Variants in FERMT1 observed in about 807,000 individuals in gnomAD.
The protein encoded by FERMT1 is fermitin family homolog 1.
A neutral mutation model predicts 85.3 loss-of-function variants in FERMT1; 60 were observed. That is an observed-to-expected ratio of 0.70 (90% CI 0.57 to 0.87). The LOEUF (loss-of-function observed/expected upper bound fraction) is 0.87. Ranked by LOEUF, FERMT1 falls within the 40% of genes least tolerant of loss-of-function variation. The pLI is 0.00. For synonymous variants in FERMT1, 275 were observed against 301.1 expected, an observed-to-expected ratio of 0.91 and a Z score of 0.90; for missense variants, 701 against 818.9, an observed-to-expected ratio of 0.86 and a Z score of 1.76.
intron 14 of FERMT1, among the ~76,000 whole-genome samples, chr20:6,078,619 C>G (rs180858027): frequency 5.3e-5 from 8 of 151,090 alleles, no homozygotes; most frequent in Non-Finnish European, 1.0e-4. Flanking sequence ...ACCATCACAC[C>G]TGGCTAGTTC....
At chr20:6,095,288 C>A (rs1410582773) in intron 8 of FERMT1, among the ~76,000 whole-genome samples, 1 of 151,994 alleles carries the variant, frequency 6.6e-6, no homozygotes, top group Non-Finnish European at 1.5e-5. Flanking sequence ...CAATTGAATA[C>A]TAATTTGTTA....
At chr20:6,113,197 C>T (rs567619312) in intron 3 of FERMT1, among the ~76,000 whole-genome samples, 385 of 152,286 alleles carry the variant, frequency 2.5e-3, no homozygotes, top group African/African-American at 8.9e-3. Flanking sequence ...CTCTCTTTGC[C>T]TGCTGCCATC....
At chr20:6,107,111 G>T (rs746682089) in intron 6 of FERMT1, among the ~76,000 whole-genome samples, 2 of 147,646 alleles carry the variant, frequency 1.4e-5, no homozygotes, top group Non-Finnish European at 3.0e-5. Context: ...CAAAAGAATC[G>T]CTTGAACCCG....
rs1288290733 is a variant in FERMT1 at position 6,110,429 on chromosome 20, C to T, written c.615G>A (p.Trp205Ter). ...GTTCCGTCAAAGGGCTGTCACTGAA[C>T]CAAGTCATGGTGGATGATGCTGGTG... ...NGTPASSTMT[W>*]FSDSPLTEQN... The change falls in exon 5 of 15, where the codon TGG (tryptophan) becomes TGA (stop). Residue 205 changes from tryptophan to a stop codon, truncating the protein, a stop_gained. Transcript: ENST00000217289. LOFTEE classifies it high-confidence loss of function. 6 of 1,613,998 alleles carry T rather than the reference C, an allele frequency of 3.7e-6. No individual in the cohort carries two copies. Among genetic ancestry groups the T allele is most frequent in the Non-Finnish European group, 4.2e-6 (5 of 1,180,010 alleles).
intron 8 of FERMT1, 41 bp from the exon 9 acceptor site, chr20:6,095,029 T>C (rs202227887): frequency 5.4e-6 from 6 of 1,120,174 alleles, no homozygotes; most frequent in African/African-American, 1.5e-5. Context: ...AGGAACTTCA[T>C]AAGTGATGCT....
chr20:6,105,382 C>T (rs1982770527), intron 6 of FERMT1, among the ~76,000 whole-genome samples: 1 of 152,194 alleles, frequency 6.6e-6, no homozygotes, highest in Admixed American at 6.5e-5. Context: ...ACAACCTCTC[C>T]AATTGCATCG....
intron 13 of FERMT1, among the ~76,000 whole-genome samples, chr20:6,080,324 G>T (rs773635421): frequency 8.5e-5 from 13 of 152,216 alleles, no homozygotes; most frequent in Non-Finnish European, 1.8e-4. Flanking sequence ...GTGTGTGTGT[G>T]TCTTGTAGAG....
At chr20:6,110,786 A>G (rs1025752322) in intron 4 of FERMT1, among the ~76,000 whole-genome samples, 4 of 152,044 alleles carry the variant, frequency 2.6e-5, no homozygotes, top group Admixed American at 2.0e-4. Context: ...AACAAACAAA[A>G]CCCAAAAAAT....
At position 6,119,298 on chromosome 20, in the gene FERMT1, A is replaced by G. The variant is rs2123157360; in HGVS notation, c.151+106T>C. ...GATGAGGGGTGGGGGATTGCTCTCCAGGGCATTACAAGATAAATGATCAGA... is the reference window on the plus strand; with the variant it reads ...GATGAGGGGTGGGGGATTGCTCTCCGGGGCATTACAAGATAAATGATCAGA... On this transcript the variant is annotated intron_variant, in intron 2 of 14. Transcript: ENST00000217289. The G allele has an allele frequency of 1.0e-5, 12 of 1,148,864 alleles. No homozygotes were observed. The South Asian group carries it at 1.4e-4, about 13-fold the overall frequency. The allele number at this position is 1,148,864 out of a possible 1,614,324, so 71.2% of individuals were successfully genotyped here. A position where few individuals can be genotyped will look rare whatever the true frequency, so the allele number is the denominator to read the frequency against.
At chr20:6,120,465 C>T (rs1163805814) in intron 1 of FERMT1, 1 of 152,180 alleles carries the variant, frequency 6.6e-6, no homozygotes. Flanking sequence ...AGAACGTTCA[C>T]AACTGAAATG....
At chr20:6,117,654 G>A (rs369856964) in intron 2 of FERMT1, among the ~76,000 whole-genome samples, 8 of 152,244 alleles carry the variant, frequency 5.3e-5, no homozygotes, top group African/African-American at 1.7e-4. Flanking sequence ...GGCTGGTCTC[G>A]AACTCCTGAC....
At chr20:6,111,200 C>T (rs899473361) in intron 4 of FERMT1, among the ~76,000 whole-genome samples, 7 of 152,142 alleles carry the variant, frequency 4.6e-5, no homozygotes, top group African/African-American at 1.7e-4. Flanking sequence ...ATGCATGTAC[C>T]CAATATGTTT....
At chr20:6,106,277 T>C (rs980534724) in intron 6 of FERMT1, among the ~76,000 whole-genome samples, 1 of 152,034 alleles carries the variant, frequency 6.6e-6, no homozygotes, top group Non-Finnish European at 1.5e-5. Context: ...TCCTTAGAAA[T>C]GACAAGGGAC....
At chr20:6,099,830 T>TA (rs112369032) in intron 6 of FERMT1, among the ~76,000 whole-genome samples, 15,087 of 120,376 alleles carry the variant, frequency 0.13, 1,063 homozygotes, top group African/African-American at 0.2. Flanking sequence ...TCACTGTTTC[T>TA]AAAAAAAAAA....
intron 6 of FERMT1, among the ~76,000 whole-genome samples, 171 bp from the exon 7 acceptor site, chr20:6,097,802 AG>A (rs975369192): frequency 9.2e-5 from 14 of 151,358 alleles, no homozygotes; most frequent in Non-Finnish European, 2.1e-4. Flanking sequence ...TTTTTTTTAA[AG>A]TTTTTTTTTT....
chr20:6,115,711 T>C, intron 3 of FERMT1, 100 bp downstream of exon 3: 2 of 898,550 alleles, frequency 2.2e-6, no homozygotes, highest in South Asian at 1.4e-5. Flanking sequence ...TAGGTGAGTG[T>C]TCTGTAGCAA....
chr20:6,081,501 C>T (rs748405809), intron 13 of FERMT1, among the ~76,000 whole-genome samples: 12 of 151,994 alleles, frequency 7.9e-5, no homozygotes, highest in Non-Finnish European at 1.6e-4. Flanking sequence ...GAGAGGCGAC[C>T]AATGGACTCA....
intron 8 of FERMT1, among the ~76,000 whole-genome samples, chr20:6,095,739 C>T (rs1230665045): frequency 2.6e-5 from 4 of 152,334 alleles, no homozygotes; most frequent in Admixed American, 1.3e-4. Context: ...CTTCTATAAA[C>T]GTGACACAGG....
chr20:6,091,120 G>A (rs1482562938), intron 9 of FERMT1, among the ~76,000 whole-genome samples: 2 of 151,850 alleles, frequency 1.3e-5, no homozygotes, highest in Non-Finnish European at 2.9e-5. Context: ...CCGAGATCAC[G>A]CCACCGCACT....
Sources: gnomAD v4.1 joint callset for allele counts (sites outside exome capture counted in the v4.1 genomes callset) on GRCh38, gnomAD v4.1.1 for gene constraint, MANE v1.5 for transcripts, NCBI Gene and HGNC (gene_info 2026-07-23, HGNC 2026-07-21) for gene names.